The following PHACTR1 variants were observed in gnomAD, a reference collection of about 807,000 sequenced individuals.
The protein encoded by PHACTR1 is RPEL repeat containing 1.
PHACTR1 carries 16 observed loss-of-function variants against 69.2 expected under a neutral mutation model. The ratio of observed to expected loss-of-function variants is 0.23; its 90% confidence interval spans 0.16 to 0.35. The LOEUF is 0.35. Among genes scored for constraint, PHACTR1 ranks in the 10% least tolerant of loss-of-function variants. PHACTR1 has a pLI of 1.00. For missense variants in PHACTR1, 510 were observed against 734.7 expected (o/e 0.69, Z 3.54); for synonymous variants, 312 against 284.5 (o/e 1.10, Z -0.97).
At chr6:12,782,997 TG>T (rs1771028376) in intron 4 of PHACTR1, among the ~76,000 whole-genome samples, 2 of 152,238 alleles carry the variant, frequency 1.3e-5, no homozygotes, top group South Asian at 4.1e-4. Flanking sequence ...GAATCTTCCT[TG>T]TGAACTATGG....
intron 3 of PHACTR1, among the ~76,000 whole-genome samples, chr6:12,740,365 C>G (rs1469794427): frequency 1.3e-5 from 2 of 152,102 alleles, no homozygotes; most frequent in African/African-American, 4.8e-5. Flanking sequence ...ATGTTCCCAT[C>G]AGCATTGCAT....
chr6:13,060,609 A>G (rs1053897910), intron 5 of PHACTR1, among the ~76,000 whole-genome samples: 10 of 152,162 alleles, frequency 6.6e-5, no homozygotes, highest in Non-Finnish European at 1.5e-4. Context: ...CTCTACTGCA[A>G]TCAGAGGGAA....
intron 6 of PHACTR1, among the ~76,000 whole-genome samples, chr6:13,175,969 A>G (rs750498430): frequency 6.6e-6 from 1 of 151,992 alleles, no homozygotes; most frequent in Non-Finnish European, 1.5e-5. Flanking sequence ...GCAGGAGGGA[A>G]AGGATGGATT....
intron 3 of PHACTR1, among the ~76,000 whole-genome samples, chr6:12,747,291 C>T (rs1765909343): frequency 6.6e-6 from 1 of 152,136 alleles, no homozygotes. Context: ...GTTATGAGTA[C>T]TCACAACCCT....
intron 4 of PHACTR1, among the ~76,000 whole-genome samples, chr6:13,039,975 G>A (rs935928913): frequency 2.0e-5 from 3 of 151,846 alleles, no homozygotes; most frequent in Non-Finnish European, 4.4e-5. Context: ...CACCACACAG[G>A]GCAGTTTCTA....
intron 4 of PHACTR1, among the ~76,000 whole-genome samples, chr6:12,790,300 C>G (rs1386102444): frequency 6.6e-6 from 1 of 152,112 alleles, no homozygotes; most frequent in African/African-American, 2.4e-5. Context: ...CTCACTTACC[C>G]TGATGGGCCA....
chr6:13,146,798 G>T (rs900899886), intron 5 of PHACTR1, among the ~76,000 whole-genome samples: 1 of 152,186 alleles, frequency 6.6e-6, no homozygotes, highest in African/African-American at 2.4e-5. Context: ...TCTGGAAGGA[G>T]AAACCCACTT....
At chr6:13,074,598 G>A (rs1810118161) in intron 5 of PHACTR1, among the ~76,000 whole-genome samples, 1 of 152,232 alleles carries the variant, frequency 6.6e-6, no homozygotes, top group Admixed American at 6.5e-5. Flanking sequence ...GGAAGGCCAT[G>A]CCCAGAAGAA....
At chr6:13,272,671 C>T (rs957294377) in intron 10 of PHACTR1, 189 bp from the exon 11 acceptor site, 19 of 1,493,702 alleles carry the variant, frequency 1.3e-5, no homozygotes, top group Middle Eastern at 2.4e-4. Context: ...ACATGACGCA[C>T]GTGCCTCTCC....
chr6:12,753,486 C>T (rs1766867957), intron 4 of PHACTR1, among the ~76,000 whole-genome samples: 1 of 152,152 alleles, frequency 6.6e-6, no homozygotes, highest in Non-Finnish European at 1.5e-5. Flanking sequence ...AGCAAGGCAT[C>T]CTGATGATTT....
chr6:12,791,130 A>C (rs1002765443), intron 4 of PHACTR1, among the ~76,000 whole-genome samples: 1 of 152,228 alleles, frequency 6.6e-6, no homozygotes, highest in African/African-American at 2.4e-5. Context: ...AATAGGAAAG[A>C]CAAATGTCCC....
intron 5 of PHACTR1, among the ~76,000 whole-genome samples, chr6:13,054,470 T>A (rs1289266819): frequency 6.6e-6 from 1 of 152,176 alleles, no homozygotes; most frequent in Non-Finnish European, 1.5e-5. Context: ...AATGTGTTTC[T>A]CACAGTTCTG....
intron 4 of PHACTR1, among the ~76,000 whole-genome samples, chr6:12,895,079 G>A (rs1257122341): frequency 6.6e-6 from 1 of 151,580 alleles, no homozygotes; most frequent in Non-Finnish European, 1.5e-5. Flanking sequence ...CAAACCTGCA[G>A]AATTGCTTTT....
At chr6:13,174,983 C>T (rs1040390720) in intron 6 of PHACTR1, among the ~76,000 whole-genome samples, 1 of 152,176 alleles carries the variant, frequency 6.6e-6, no homozygotes, top group South Asian at 2.1e-4. Context: ...CAACATAATG[C>T]TGGACACCGA....
In PHACTR1 at chr6:13,252,065, AAAAG is replaced by A. The variant is rs1554173593; in HGVS notation, c.1392-20779_1392-20776del. Among the ~76,000 whole-genome samples the A allele has an allele frequency of 6.9e-4, 104 of 149,664 alleles. 1 individual carries two copies. Among genetic ancestry groups the A allele is most frequent in the African/African-American group, 2.0e-3 (79 of 40,198 alleles). On this transcript the variant is annotated intron_variant, in intron 10 of 14. Transcript: ENST00000332995. The stretch of plus-strand genomic sequence containing the variant: ...ACAAGATCCTGCCTTAAAAAAAAAA[AAAAG>A]AAAGAAAGAAAGAAAAGGCCAGGAG...
At chr6:12,962,434 T>G (rs886374150) in intron 4 of PHACTR1, among the ~76,000 whole-genome samples, 4 of 152,168 alleles carry the variant, frequency 2.6e-5, no homozygotes, top group Non-Finnish European at 5.9e-5. Context: ...GAAAACTCAT[T>G]AAAAATGCAT....
At chr6:13,146,057 T>C (rs1192722420) in intron 5 of PHACTR1, among the ~76,000 whole-genome samples, 3 of 152,218 alleles carry the variant, frequency 2.0e-5, no homozygotes, top group Non-Finnish European at 4.4e-5. Context: ...AATGTCATCC[T>C]TAAGTGTTCT....
chr6:13,157,498 C>T (rs191650758), intron 5 of PHACTR1, among the ~76,000 whole-genome samples: 8 of 152,322 alleles, frequency 5.3e-5, no homozygotes, highest in Admixed American at 3.3e-4. Context: ...ACAGCAGATC[C>T]ACAGTTGTTG....
intron 6 of PHACTR1, among the ~76,000 whole-genome samples, chr6:13,167,064 T>C (rs999085215): frequency 2.6e-5 from 4 of 152,216 alleles, no homozygotes; most frequent in African/African-American, 9.7e-5. Context: ...AGGAAGCAGC[T>C]GAAGCCCAGA....
Sources: gnomAD v4.1 joint callset for allele counts (sites outside exome capture counted in the v4.1 genomes callset) on GRCh38, gnomAD v4.1.1 for gene constraint, MANE v1.5 for transcripts, NCBI Gene and HGNC (gene_info 2026-07-23, HGNC 2026-07-21) for gene names.